Variants in IDNK observed in about 807,000 individuals in gnomAD.
The protein encoded by IDNK is IDNK gluconokinase.
In IDNK, 9 loss-of-function variants were observed where a neutral mutation model predicts 13.0. The ratio of observed to expected loss-of-function variants is 0.69; its 90% CI spans 0.42 to 1.21. The LOEUF (loss-of-function observed/expected upper bound fraction) is 1.21. Ranked by LOEUF, IDNK falls within the 50% of genes most tolerant of loss-of-function variation. The pLI, the probability that IDNK is intolerant of heterozygous loss-of-function variation, is 0.00. For synonymous variants in IDNK, 92 were observed against 94.9 expected, an observed-to-expected ratio of 0.97 and a Z score of 0.18; for missense variants, 210 against 237.8, an observed-to-expected ratio of 0.88 and a Z score of 0.77.
intron 3 of IDNK, among the ~76,000 whole-genome samples, chr9:83,632,022 G>A (rs1329714517): frequency 6.6e-6 from 1 of 151,806 alleles, no homozygotes; most frequent in Non-Finnish European, 1.5e-5. Context: ...TATTTGCCCT[G>A]TATAGAAAAT....
rs1564144964 is a variant in IDNK at position 83,628,205 on chromosome 9, ATC to A, written c.77_78del (p.Ser26Ter). On this transcript the variant is annotated frameshift_variant, in exon 2 of 5. Transcript: ENST00000376419. LOFTEE classifies it high-confidence loss of function. Reference protein sequence around the residue: ...GKSTVGALLASELGWKFYDAD... With the variant: ...GKSTVGALLAXELGWKFYDAD... ...GATCCACCGTGGGCGCCCTGCTGGC[ATC>A]TGAGGTTAGTAACCTGTCCTAATGC... 6.4e-7 allele frequency: 1 copy of A among 1,550,486 alleles called. No individual in the cohort carries two copies. The highest frequency in any genetic ancestry group is 8.7e-7 in the Non-Finnish European group (1 of 1,146,878).
At chr9:83,634,383 G>A (rs2811909) in intron 3 of IDNK, among the ~76,000 whole-genome samples, 123,053 of 152,178 alleles carry the variant, frequency 0.81, 50,158 homozygotes, top group African/African-American at 0.9. Context: ...ATTCTGAAAA[G>A]CTTTATTATG....
chr9:83,629,068 G>T, intron 3 of IDNK, 109 bp downstream of exon 3: 1 of 858,526 alleles, frequency 1.2e-6, no homozygotes. Flanking sequence ...TCACTGTACA[G>T]GGGCTACAAA....
At chr9:83,641,477 T>A in intron 3 of IDNK, 71 bp from the exon 4 acceptor site, 1 of 1,535,790 alleles carries the variant, frequency 6.5e-7, no homozygotes, top group African/African-American at 1.4e-5. Context: ...ATGATATAAC[T>A]GTTTCTCTAC....
In IDNK at chr9:83,643,605, T is replaced by C. The variant is rs145886629; in HGVS notation, c.389T>C (p.Val130Ala). ...LVVHLSGSFE[V>A]ISGRLLKREG... is the part of the protein sequence containing the mutation. ...GTCCATCTGAGCGGGTCGTTTGAGGTCATCTCTGGACGCTTACTCAAAAGA... is the reference window on the plus strand; with the variant it reads ...GTCCATCTGAGCGGGTCGTTTGAGGCCATCTCTGGACGCTTACTCAAAAGA... Residue 130 changes from valine (V) to alanine (A), a missense_variant, in exon 5 of 5, where the codon GTC becomes GCC. Transcript: ENST00000376419. 4.6e-4 allele frequency: 745 copies of C among 1,613,922 alleles called. 4 individuals are homozygous for C. The African/African-American group carries it at 8.8e-3, about 19-fold the overall frequency.
intron 1 of IDNK, among the ~76,000 whole-genome samples, chr9:83,624,706 G>GTTTTTTT (rs60612510): frequency 2.0e-5 from 3 of 148,490 alleles, no homozygotes; most frequent in East Asian, 4.0e-4. Context: ...AGCTTCTTTT[G>GTTTTTTT]TTTTTTTTTT....
chr9:83,633,193 G>T (rs1354789262), intron 3 of IDNK, among the ~76,000 whole-genome samples: 1 of 152,092 alleles, frequency 6.6e-6, no homozygotes, highest in Non-Finnish European at 1.5e-5. Context: ...CACAAAATTA[G>T]CCGGGCGTGG....
intron 3 of IDNK, among the ~76,000 whole-genome samples, chr9:83,634,586 T>C (rs1023094485): frequency 6.6e-6 from 1 of 152,252 alleles, no homozygotes; most frequent in Non-Finnish European, 1.5e-5. Context: ...ATAGAAAGTA[T>C]AATGAATAAG....
chr9:83,638,905 C>T (rs1263063980), intron 3 of IDNK, among the ~76,000 whole-genome samples: 3 of 152,066 alleles, frequency 2.0e-5, no homozygotes, highest in Non-Finnish European at 4.4e-5. Context: ...AAAATTGATA[C>T]ATAAAGTAGA....
intron 1 of IDNK, chr9:83,623,561 G>C (rs992247855): frequency 9.6e-6 from 3 of 311,688 alleles, no homozygotes; most frequent in African/African-American, 6.8e-5. Context: ...TAGGTTTCGG[G>C]GCGCCTTGTC....
chr9:83,643,636 A>G lies in IDNK; in HGVS notation c.420A>G (p.Gly140=). 1 of 1,613,990 alleles carries G rather than the reference A, an allele frequency of 6.2e-7. No individual in the cohort carries two copies. The change falls in exon 5 of 5, where the codon GGA becomes GGG. Residue 140 remains glycine, a synonymous_variant. Coordinates refer to ENST00000376419, the MANE Select transcript of IDNK (RefSeq NM_001001551.4). The stretch of plus-strand genomic sequence containing the variant: ...CTGGACGCTTACTCAAAAGAGAGGG[A>G]CATTTTATGCCCCCTGAATTATTGC... ...VISGRLLKRE[G]HFMPPELLQS...
chr9:83,627,986 A>C, intron 1 of IDNK, 195 bp from the exon 2 acceptor site: 1 of 1,358,798 alleles, frequency 7.4e-7, no homozygotes, highest in Non-Finnish European at 9.5e-7. Context: ...TTATTTCTTC[A>C]TTGACATTCG....
chr9:83,643,853 C>T lies in IDNK; in HGVS notation c.*73C>T, dbSNP rs1831386338. 6.2e-6 allele frequency: 7 copies of T among 1,126,266 alleles called. No individual in the cohort carries two copies. The highest frequency in any genetic ancestry group is 3.0e-5 in the South Asian group (2 of 67,332). The allele number at this position is 1,126,266 out of a possible 1,614,324, so 69.8% of individuals were successfully genotyped here. On this transcript the variant is annotated 3_prime_UTR_variant, in exon 5 of 5. Transcript: ENST00000376419. ...GTGCCATCCCAAACCTCGTTCCAGCCGCCTTGCCCATACTAGATTCTAAAT... is the reference window on the plus strand; with the variant it reads ...GTGCCATCCCAAACCTCGTTCCAGCTGCCTTGCCCATACTAGATTCTAAAT...
chr9:83,633,285 G>C (rs968447445), intron 3 of IDNK, among the ~76,000 whole-genome samples: 1 of 152,104 alleles, frequency 6.6e-6, no homozygotes, highest in Non-Finnish European at 1.5e-5. Flanking sequence ...CTTGCAGTGA[G>C]CCAAGATCAC....
intron 3 of IDNK, among the ~76,000 whole-genome samples, chr9:83,635,057 A>T (rs1259218046): frequency 6.6e-6 from 1 of 152,182 alleles, no homozygotes; most frequent in African/African-American, 2.4e-5. Context: ...AAAGCCTTAA[A>T]AGTCCCATCC....
chr9:83,643,750 T>C lies in IDNK; in HGVS notation c.534T>C (p.Ala178=), dbSNP rs1564153022. 2.5e-6 allele frequency: 4 copies of C among 1,610,100 alleles called. No homozygotes were observed. In the East Asian group the frequency reaches 6.7e-5, roughly 27 times the overall value. ...SVDKNVSEII[A]TIMETLKMK The stretch of plus-strand genomic sequence containing the variant: ...ACAAAAATGTTTCAGAGATAATTGC[T>C]ACAATTATGGAAACCCTAAAAATGA... Residue 178 remains alanine (A), a synonymous_variant, in exon 5 of 5, where the codon GCT becomes GCC. Transcript: ENST00000376419.
chr9:83,625,857 T>C (rs141075315), intron 1 of IDNK, among the ~76,000 whole-genome samples: 2 of 152,360 alleles, frequency 1.3e-5, no homozygotes, highest in African/African-American at 4.8e-5. Context: ...TATTTACTGA[T>C]ACATGTGTCT....
intron 1 of IDNK, among the ~76,000 whole-genome samples, chr9:83,625,964 G>GT (rs1830837916): frequency 6.6e-6 from 1 of 152,250 alleles, no homozygotes; most frequent in East Asian, 1.9e-4. Flanking sequence ...GGGTGGCAGA[G>GT]TTAATTTTCT....
At chr9:83,640,938 A>G (rs1366393631) in intron 3 of IDNK, among the ~76,000 whole-genome samples, 1 of 152,206 alleles carries the variant, frequency 6.6e-6, no homozygotes, top group African/African-American at 2.4e-5. Flanking sequence ...TTTCAATAAT[A>G]GAAAGTTTTT....
Sources: gnomAD v4.1 joint callset for allele counts (sites outside exome capture counted in the v4.1 genomes callset) on GRCh38, gnomAD v4.1.1 for gene constraint, MANE v1.5 for transcripts, NCBI Gene and HGNC (gene_info 2026-07-23, HGNC 2026-07-21) for gene names.